Variants in ESRRB observed in about 807,000 individuals in gnomAD.
ESRRB encodes the protein estrogen related receptor beta.
ESRRB carries 16 observed loss-of-function variants against 46.0 expected under a neutral mutation model. The ratio of observed to expected loss-of-function variants is 0.35; its 90% CI spans 0.24 to 0.53. ESRRB has a LOEUF of 0.53. Ranked by LOEUF, ESRRB falls within the 20% of genes least tolerant of loss-of-function variation. The pLI is 0.93. For missense variants in ESRRB, 488 were observed against 607.4 expected, an observed-to-expected ratio of 0.80 and a Z score of 2.07; for synonymous variants, 246 against 259.6, an observed-to-expected ratio of 0.95 and a Z score of 0.50.
rs1890260814 is a variant in ESRRB, at chr14:76,492,255, T to C, written c.1120+539T>C. On this transcript the variant is annotated intron_variant, in intron 6 of 6. Coordinates refer to ENST00000644823, the MANE Select transcript of ESRRB (RefSeq NM_001379180.1). ...CCTAGCTCACTGCAGTCTCAAACTTTTGGGCTCAAGCCATCCTCCCACCTC... is the reference window on the plus strand; with the variant it reads ...CCTAGCTCACTGCAGTCTCAAACTTCTGGGCTCAAGCCATCCTCCCACCTC... 2.6e-5 allele frequency among the ~76,000 whole-genome samples: 4 copies of C among 152,280 alleles called. No homozygotes were observed. The South Asian group carries it at 8.3e-4, about 32-fold the overall frequency.
chr14:76,494,535 G>C lies in ESRRB; in HGVS notation c.1120+2819G>C, dbSNP rs189876057. On this transcript the variant is annotated intron_variant, in intron 6 of 6. Transcript: ENST00000644823. ...TTGGCCAGGCTGGTCTCAAACTCCC[G>C]ACCTCAGGTGATCCACCCACCTCAG... 2.1e-4 allele frequency among the ~76,000 whole-genome samples: 32 copies of C among 152,232 alleles called. 1 individual carries two copies. Among genetic ancestry groups the C allele is most frequent in the Middle Eastern group, 6.8e-3 (2 of 294 alleles).
At chr14:76,334,695 A>G (rs1291334519) in intron 1 of ESRRB, among the ~76,000 whole-genome samples, 1 of 152,178 alleles carries the variant, frequency 6.6e-6, no homozygotes, top group Non-Finnish European at 1.5e-5. Flanking sequence ...CCCCAACTTC[A>G]GAGAGTTTGT....
At chr14:76,363,947 A>G (rs1884493447) in intron 1 of ESRRB, among the ~76,000 whole-genome samples, 1 of 152,144 alleles carries the variant, frequency 6.6e-6, no homozygotes, top group South Asian at 2.1e-4. Context: ...TCCTCAGTAA[A>G]TAAAAGGAGT....
chr14:76,396,339 ATGC>A (rs994089578), intron 1 of ESRRB, among the ~76,000 whole-genome samples: 1 of 152,192 alleles, frequency 6.6e-6, no homozygotes, highest in African/African-American at 2.4e-5. Flanking sequence ...TAAGCTCTAA[ATGC>A]TGGGTATATG....
At chr14:76,445,716 G>A (rs1321796448) in intron 2 of ESRRB, among the ~76,000 whole-genome samples, 3 of 137,730 alleles carry the variant, frequency 2.2e-5, no homozygotes, top group Non-Finnish European at 3.0e-5. Flanking sequence ...ACAGAGTCTC[G>A]CTCTGTCACC....
intron 1 of ESRRB, among the ~76,000 whole-genome samples, chr14:76,350,645 C>T (rs1352968979): frequency 6.6e-6 from 1 of 152,202 alleles, no homozygotes; most frequent in Non-Finnish European, 1.5e-5. Context: ...TTCTGTCTCC[C>T]AGAGCCTGAA....
At chr14:76,449,709 G>A (rs1262928364) in intron 2 of ESRRB, among the ~76,000 whole-genome samples, 1 of 151,380 alleles carries the variant, frequency 6.6e-6, no homozygotes, top group African/African-American at 2.4e-5. Flanking sequence ...CCTCTGATGT[G>A]AGAACTTGTA....
chr14:76,499,001 C>A lies in ESRRB; in HGVS notation c.*543C>A. 2.7e-6 allele frequency: 1 copy of A among 374,198 alleles called. No individual in the cohort carries two copies. 23.2% of individuals were successfully genotyped at this position (374,198 alleles called of 1,614,324 possible). The stretch of plus-strand genomic sequence containing the variant: ...CGGTCAAGAGGCCCCATACCTTCCA[C>A]AGTTTCCACTCAGCTTTCAGCCAGG... On this transcript the variant is annotated 3_prime_UTR_variant, in exon 7 of 7. Coordinates refer to ENST00000644823, the MANE Select transcript of ESRRB (RefSeq NM_001379180.1).
At chr14:76,335,114 G>T (rs1317397227) in intron 1 of ESRRB, among the ~76,000 whole-genome samples, 1 of 152,164 alleles carries the variant, frequency 6.6e-6, no homozygotes, top group African/African-American at 2.4e-5. Context: ...CACCACCACT[G>T]GGTCCTGGCC....
intron 2 of ESRRB, among the ~76,000 whole-genome samples, chr14:76,449,037 T>C (rs1888270080): frequency 6.6e-6 from 1 of 152,224 alleles, no homozygotes; most frequent in African/African-American, 2.4e-5. Context: ...TGCCTTCATT[T>C]CCATCAGTTA....
rs966323369 is a variant in ESRRB, at chr14:76,499,807, C to T, written c.*1349C>T. 1.1e-5 allele frequency: 16 copies of T among 1,447,570 alleles called. No individual in the cohort carries two copies. Among genetic ancestry groups the T allele is most frequent in the African/African-American group, 5.6e-5 (4 of 71,658 alleles). 89.7% of individuals were successfully genotyped at this position (1,447,570 alleles called of 1,614,324 possible). A position where few individuals can be genotyped will look rare whatever the true frequency, so the allele number is the denominator to read the frequency against. ...GGGTCACTCTATTTCTGTGGATGGC[C>T]GTGAAAGTTTTCACTAACTCAAGGG... On this transcript the variant is annotated 3_prime_UTR_variant, in exon 7 of 7. Transcript: ENST00000644823.
intron 1 of ESRRB, among the ~76,000 whole-genome samples, chr14:76,324,968 T>TTTC (rs1883911658): frequency 9.6e-6 from 1 of 104,490 alleles, no homozygotes; most frequent in Non-Finnish European, 2.2e-5. Context: ...TTTTTCTTTT[T>TTTC]TTTTTTTTTT....
At chr14:76,431,219 T>G (rs1887428297) in intron 1 of ESRRB, among the ~76,000 whole-genome samples, 1 of 152,142 alleles carries the variant, frequency 6.6e-6, no homozygotes. Context: ...CACTTAAAGC[T>G]GAGAGGTGGA....
intron 2 of ESRRB, among the ~76,000 whole-genome samples, chr14:76,450,796 G>A (rs1888352759): frequency 6.6e-6 from 1 of 152,314 alleles, no homozygotes; most frequent in East Asian, 1.9e-4. Flanking sequence ...GCAGGAGTCA[G>A]GAGCTAGGTG....
intron 3 of ESRRB, among the ~76,000 whole-genome samples, chr14:76,464,350 A>C (rs1326992751): frequency 3.9e-5 from 6 of 152,232 alleles, no homozygotes; most frequent in Non-Finnish European, 2.9e-5. Flanking sequence ...ATAAGGGCCC[A>C]GACCTAAGAC....
rs570007306 is a variant in ESRRB at position 76,401,605 on chromosome 14, T to C, written c.50+25154T>C. 9.8e-5 allele frequency among the ~76,000 whole-genome samples: 15 copies of C among 152,352 alleles called. No homozygotes were observed. The South Asian group carries it at 3.1e-3, about 32-fold the overall frequency. On this transcript the variant is annotated intron_variant, in intron 1 of 6. Coordinates refer to ENST00000644823, the MANE Select transcript of ESRRB (RefSeq NM_001379180.1). ...CACTGCATTTTTTACACCTTTTCTTTGTATAGATATACACATACCATTGTA... is the reference window on the plus strand; with the variant it reads ...CACTGCATTTTTTACACCTTTTCTTCGTATAGATATACACATACCATTGTA...
At chr14:76,401,436 T>C (rs1456565548) in intron 1 of ESRRB, among the ~76,000 whole-genome samples, 3 of 152,202 alleles carry the variant, frequency 2.0e-5, no homozygotes, top group African/African-American at 7.2e-5. Flanking sequence ...GGAACTTTAG[T>C]ACTGCAAGAT....
intron 1 of ESRRB, among the ~76,000 whole-genome samples, chr14:76,404,871 T>G (rs1248507130): frequency 3.3e-5 from 5 of 152,090 alleles, no homozygotes; most frequent in African/African-American, 1.2e-4. Flanking sequence ...TAATGGTCAT[T>G]CCCCTTATAG....
At chr14:76,328,686 C>T (rs1200955838) in intron 1 of ESRRB, among the ~76,000 whole-genome samples, 2 of 152,134 alleles carry the variant, frequency 1.3e-5, no homozygotes, top group African/African-American at 4.8e-5. Context: ...TGTGTCCTGG[C>T]TCACACAGAC....
Sources: gnomAD v4.1 joint callset for allele counts (sites outside exome capture counted in the v4.1 genomes callset) on GRCh38, gnomAD v4.1.1 for gene constraint, MANE v1.5 for transcripts, NCBI Gene and HGNC (gene_info 2026-07-23, HGNC 2026-07-21) for gene names.